The following SNAP91 variants were observed in gnomAD, a reference collection of about 807,000 sequenced individuals.
SNAP91 encodes the protein synaptosome associated protein 91, also known as clathrin coat assembly protein AP180.
In SNAP91, 27 loss-of-function variants were observed where a neutral mutation model predicts 100.3. The observed-to-expected ratio is 0.27, with a 90% CI of 0.20 to 0.37. SNAP91 has a LOEUF of 0.37. SNAP91 is among the 10% of genes least tolerant of loss of function. The pLI is 1.00. For synonymous variants in SNAP91, 404 were observed against 398.6 expected, an observed-to-expected ratio of 1.01 and a Z score of -0.16; for missense variants, 986 against 1,123.7, an observed-to-expected ratio of 0.88 and a Z score of 1.75.
At chr6:83,665,678 C>A in intron 2 of SNAP91, 97 bp from the exon 3 acceptor site, 8 of 1,037,178 alleles carry the variant, frequency 7.7e-6, no homozygotes, top group East Asian at 2.7e-5. Flanking sequence ...TAATATATGA[C>A]CTTAAAAGTA....
At chr6:83,696,709 A>T (rs2129024253) in intron 2 of SNAP91, among the ~76,000 whole-genome samples, 1 of 152,342 alleles carries the variant, frequency 6.6e-6, no homozygotes, top group South Asian at 2.1e-4. Context: ...CTTCCTCTGC[A>T]AAGTGCCTCC....
At chr6:83,568,810 C>T (rs1173990291) in intron 26 of SNAP91, among the ~76,000 whole-genome samples, 1 of 152,144 alleles carries the variant, frequency 6.6e-6, no homozygotes, top group Non-Finnish European at 1.5e-5. Context: ...CCTTCATCTC[C>T]TTCTCAATAG....
intron 8 of SNAP91, among the ~76,000 whole-genome samples, chr6:83,637,453 G>A (rs967622698): frequency 3.3e-5 from 5 of 152,152 alleles, no homozygotes; most frequent in South Asian, 2.1e-4. Context: ...TCATGTATAC[G>A]CAAGTGGAAA....
intron 11 of SNAP91, among the ~76,000 whole-genome samples, chr6:83,611,263 T>A (rs2096052772): frequency 6.6e-6 from 1 of 152,084 alleles, no homozygotes; most frequent in Admixed American, 6.6e-5. Context: ...AATATTCCCA[T>A]CATCCTGTTA....
At chr6:83,611,560 C>A (rs1361602691) in intron 11 of SNAP91, 1 of 376,722 alleles carries the variant, frequency 2.7e-6, no homozygotes, top group African/African-American at 2.2e-5. Context: ...TACTCATCTA[C>A]AGAGAAAATA....
At chr6:83,592,006 C>T (rs1173444214) in intron 21 of SNAP91, among the ~76,000 whole-genome samples, 1 of 152,224 alleles carries the variant, frequency 6.6e-6, no homozygotes, top group African/African-American at 2.4e-5. Context: ...AATAAACCTA[C>T]AGAATAATGT....
At chr6:83,687,644 T>A (rs776146983) in intron 2 of SNAP91, among the ~76,000 whole-genome samples, 18 of 152,006 alleles carry the variant, frequency 1.2e-4, no homozygotes, top group African/African-American at 1.7e-4. Context: ...TGGCTGGAAA[T>A]ATGTTTGAAA....
At chr6:83,670,735 C>T (rs1438251304) in intron 2 of SNAP91, among the ~76,000 whole-genome samples, 6 of 151,412 alleles carry the variant, frequency 4.0e-5, no homozygotes, top group Non-Finnish European at 8.9e-5. Flanking sequence ...TCAAATTTTT[C>T]CAATGCCATT....
intron 2 of SNAP91, chr6:83,690,472 A>G (rs2128983842): frequency 8.5e-7 from 1 of 1,176,098 alleles, no homozygotes; most frequent in East Asian, 5.8e-5. Context: ...CACATTAATA[A>G]GAAAATACTC....
At position 83,605,779 on chromosome 6, in the gene SNAP91, G is replaced by C; in HGVS notation, c.1047C>G (p.Leu349=). 6.4e-7 allele frequency: 1 copy of C among 1,552,576 alleles called. No homozygotes were observed. The highest frequency in any genetic ancestry group is 8.7e-7 in the Non-Finnish European group (1 of 1,147,588). ...PVSTSKPSSD[L]LDLQPDFSSG... ...AGGAAAAGTCTGGCTGGAGGTCCAG[G>C]AGATCACTAGATGGTTTAGAAGTGC... is the stretch of plus-strand genomic sequence containing the variant. The change falls in exon 14 of 30, where the codon CTC becomes CTG. Residue 349 remains leucine, a synonymous_variant. Transcript: ENST00000369694.
chr6:83,585,134 T>A (rs944543750), intron 22 of SNAP91, among the ~76,000 whole-genome samples: 7 of 152,148 alleles, frequency 4.6e-5, no homozygotes, highest in African/African-American at 1.7e-4. Context: ...GGTAACTAAC[T>A]GAAAAGTTTT....
intron 12 of SNAP91, among the ~76,000 whole-genome samples, chr6:83,608,288 G>A (rs2095775004): frequency 6.6e-6 from 1 of 152,128 alleles, no homozygotes; most frequent in Non-Finnish European, 1.5e-5. Context: ...ACAGTTGGAA[G>A]AGAACGATTC....
At chr6:83,708,158 C>G in intron 1 of SNAP91, 1 of 478,328 alleles carries the variant, frequency 2.1e-6, no homozygotes, top group Non-Finnish European at 3.6e-6. Context: ...AGGGCCGTCA[C>G]GGAACCCCAG....
chr6:83,684,789 AC>A (rs1282566538), intron 2 of SNAP91, among the ~76,000 whole-genome samples: 3 of 152,198 alleles, frequency 2.0e-5, no homozygotes, highest in Non-Finnish European at 2.9e-5. Flanking sequence ...AAAATCAGAA[AC>A]TATTTAATAT....
In SNAP91 at chr6:83,688,324, T is replaced by C. The variant is rs77042274; in HGVS notation, c.130+19474A>G. 3.1e-3 allele frequency among the ~76,000 whole-genome samples: 468 copies of C among 152,322 alleles called. 2 individuals are homozygous for C. Among genetic ancestry groups the C allele is most frequent in the African/African-American group, 0.011 (440 of 41,568 alleles). ...AAAGTAATAATGGAACTCTACTGTT[T>C]GAAACTCTGCATTGGCTTCTCACTG... On this transcript the variant is annotated intron_variant, in intron 2 of 29. Transcript: ENST00000369694.
At chr6:83,569,933 A>G (rs1803727506) in intron 26 of SNAP91, among the ~76,000 whole-genome samples, 1 of 152,078 alleles carries the variant, frequency 6.6e-6, no homozygotes, top group Non-Finnish European at 1.5e-5. Flanking sequence ...TAAATTGCCC[A>G]GTCTCGGGTA....
chr6:83,690,445 A>G lies in SNAP91; in HGVS notation c.130+17353T>C, dbSNP rs952352013. ...AAAGAAGGTTTGTAGGTCTACGAAAACAATGCAGCTCAGTTACACATTAAT... is the reference window on the plus strand; with the variant it reads ...AAAGAAGGTTTGTAGGTCTACGAAAGCAATGCAGCTCAGTTACACATTAAT... On this transcript the variant is annotated intron_variant, in intron 2 of 29. Transcript: ENST00000369694. 24 of 1,276,506 alleles carry G rather than the reference A, an allele frequency of 1.9e-5. No homozygotes were observed. The African/African-American group carries it at 2.7e-4, about 15-fold the overall frequency. The allele number at this position is 1,276,506 out of a possible 1,614,324, so 79.1% of individuals were successfully genotyped here.
intron 26 of SNAP91, among the ~76,000 whole-genome samples, chr6:83,574,238 T>A (rs1206101681): frequency 6.6e-6 from 1 of 152,120 alleles, no homozygotes; most frequent in Non-Finnish European, 1.5e-5. Context: ...TTAGCTTAGT[T>A]TTGCTAAACA....
intron 14 of SNAP91, among the ~76,000 whole-genome samples, chr6:83,605,189 T>A (rs769952907): frequency 4.6e-5 from 7 of 152,164 alleles, no homozygotes; most frequent in Non-Finnish European, 8.8e-5. Flanking sequence ...CTGGTACAAA[T>A]AAGAATCTGT....
Sources: allele counts gnomAD v4.1 joint callset (sites outside exome capture counted in the v4.1 genomes callset), GRCh38; gene constraint gnomAD v4.1.1; transcripts MANE v1.5; gene names NCBI Gene and HGNC (gene_info 2026-07-23, HGNC 2026-07-21).